Variants in PPA1 observed in about 807,000 individuals in gnomAD.
PPA1 encodes the protein inorganic pyrophosphatase.
PPA1 carries 23 observed loss-of-function variants against 41.8 expected under a neutral mutation model. That is an observed-to-expected ratio of 0.55 (90% CI 0.40 to 0.78). The LOEUF is 0.78. Among genes scored for constraint, PPA1 ranks in the 30% least tolerant of loss-of-function variants. The probability of loss-of-function intolerance (pLI) is 0.00; values close to 1 mark genes in which losing one functional copy is unlikely to be tolerated. For missense variants in PPA1, 320 were observed against 361.6 expected, an observed-to-expected ratio of 0.89 and a Z score of 0.93; for synonymous variants, 101 against 116.8, an observed-to-expected ratio of 0.86 and a Z score of 0.87.
intron 1 of PPA1, among the ~76,000 whole-genome samples, chr10:70,231,306 C>T (rs1272157381): frequency 1.3e-5 from 2 of 152,184 alleles, no homozygotes; most frequent in Non-Finnish European, 2.9e-5. Context: ...GTGGCTCACG[C>T]CTGTAATCCC....
At chr10:70,227,049 G>C (rs563002886) in intron 2 of PPA1, among the ~76,000 whole-genome samples, 1 of 152,198 alleles carries the variant, frequency 6.6e-6, no homozygotes, top group South Asian at 2.1e-4. Context: ...TTAAGATTTA[G>C]AGAAAGCTTT....
chr10:70,226,492 G>C (rs1266863081), intron 2 of PPA1, among the ~76,000 whole-genome samples: 2 of 151,846 alleles, frequency 1.3e-5, no homozygotes, highest in Non-Finnish European at 1.5e-5. Context: ...CCAGGAGATG[G>C]AGCCTGCAGT....
In PPA1 at chr10:70,205,955, G is replaced by A. The variant is rs950840539; in HGVS notation, c.795+309C>T. On this transcript the variant is annotated intron_variant, in intron 9 of 10. Coordinates refer to ENST00000373232, the MANE Select transcript of PPA1 (RefSeq NM_021129.4). Reference sequence around the variant, plus strand: ...AGTAAATTCCCATTGATTCTTTTGCGGAAATGGCTTATGATGGGTCATAGG... The same window carrying A: ...AGTAAATTCCCATTGATTCTTTTGCAGAAATGGCTTATGATGGGTCATAGG... The A allele has an allele frequency of 3.6e-5, 9 of 247,668 alleles. No individual in the cohort carries two copies. The East Asian group carries it at 4.3e-4, about 12-fold the overall frequency. The allele number at this position is 247,668 out of a possible 1,614,324, so 15.3% of individuals were successfully genotyped here.
At chr10:70,221,675 C>T (rs948112057) in intron 2 of PPA1, among the ~76,000 whole-genome samples, 4 of 152,132 alleles carry the variant, frequency 2.6e-5, no homozygotes, top group South Asian at 2.1e-4. Context: ...TCAGGGCTTT[C>T]GGTTTCCAGC....
At position 70,230,234 on chromosome 10, in the gene PPA1, CACA is replaced by C. The variant is rs538845866; in HGVS notation, c.123+104_123+106del. 1.2e-4 allele frequency: 155 copies of C among 1,309,356 alleles called. No individual in the cohort carries two copies. The African/African-American group carries it at 1.9e-3, about 16-fold the overall frequency. 81.1% of individuals were successfully genotyped at this position (1,309,356 alleles called of 1,614,324 possible). A position where few individuals can be genotyped will look rare whatever the true frequency, so the allele number is the denominator to read the frequency against. On this transcript the variant is annotated intron_variant, in intron 2 of 10. Transcript: ENST00000373232. ...TAATCAACAGACCTTTAGCTCACAG[CACA>C]ACGAGGCATTTTAAGCACTTGTTGA...
intron 2 of PPA1, among the ~76,000 whole-genome samples, chr10:70,227,592 A>T (rs1345560273): frequency 6.8e-6 from 1 of 146,800 alleles, no homozygotes; most frequent in Non-Finnish European, 1.5e-5. Context: ...TTGAAGCTGC[A>T]GTAAGCCAAG....
chr10:70,210,264 A>G (rs911467490), intron 6 of PPA1: 6 of 654,380 alleles, frequency 9.2e-6, no homozygotes, highest in Admixed American at 2.6e-5. Flanking sequence ...TTTTGTAGAA[A>G]TGGGGTCTCG....
rs1564587697 is a variant in PPA1 at position 70,233,275 on chromosome 10, C to G, written c.53G>C (p.Arg18Pro). 4 of 1,542,140 alleles carry G rather than the reference C, an allele frequency of 2.6e-6. No homozygotes were observed. Among genetic ancestry groups the G allele is most frequent in the Non-Finnish European group, 3.5e-6 (4 of 1,144,154 alleles). ...ERAAPFSLEY[R>P]VFLKNEKGQY... is the part of the protein sequence containing the mutation. ...CCGCAGACACTCACTGAGGAAGACTCGGTACTCCAGGGAGAAGGGCGCGGC... is the reference window on the plus strand; with the variant it reads ...CCGCAGACACTCACTGAGGAAGACTGGGTACTCCAGGGAGAAGGGCGCGGC... Residue 18 changes from arginine (R) to proline (P), a missense_variant, in exon 1 of 11, where the codon CGA (arginine) becomes CCA (proline). By Grantham distance (103) the Arg-to-Pro change is moderately radical. Transcript: ENST00000373232.
intron 9 of PPA1, 140 bp downstream of exon 9, chr10:70,206,124 T>C: frequency 1.5e-6 from 1 of 656,518 alleles, no homozygotes; most frequent in Non-Finnish European, 2.7e-6. Context: ...GTTCATGGTT[T>C]CTAATTTCAA....
chr10:70,223,217 A>AAGAGAGAGAGAGAG (rs10686040), intron 2 of PPA1, among the ~76,000 whole-genome samples: 11,590 of 148,686 alleles, frequency 0.078, 579 homozygotes, highest in East Asian at 0.12. Context: ...CATTTTTTTA[A>AAGAGAGAGAGAGAG]AGAGAGAGAG....
chr10:70,205,547 T>G (rs1047333491), intron 9 of PPA1: 10 of 152,166 alleles, frequency 6.6e-5, no homozygotes, highest in Admixed American at 2.6e-4. Context: ...AGTTAACCAC[T>G]GGCTTTTCCC....
intron 6 of PPA1, among the ~76,000 whole-genome samples, chr10:70,212,901 G>A (rs928434323): frequency 6.6e-6 from 1 of 150,776 alleles, no homozygotes; most frequent in African/African-American, 2.4e-5. Context: ...ACTTCGCTAA[G>A]TGAAATAAAC....
chr10:70,204,842 T>C, intron 10 of PPA1, 31 bp downstream of exon 10: 1 of 1,540,506 alleles, frequency 6.5e-7, no homozygotes, highest in Non-Finnish European at 8.9e-7. Context: ...GTGTAATGTT[T>C]AATGAAATTT....
Position 70,233,317 on chromosome 10 carries a change from A to T in PPA1, c.11T>A (p.Phe4Tyr). The change falls in exon 1 of 11, where the codon TTC (phenylalanine) becomes TAC (tyrosine). Residue 4 changes from phenylalanine (F) to tyrosine (Y), a missense_variant. Transcript: ENST00000373232. ...GGGCGCGGCGCGCTCCTCGGTGCTG[A>T]AGCCGCTCATAGTGCCGGAGTCCTG... is the stretch of plus-strand genomic sequence containing the variant. MSG[F>Y]STEERAAPFS... 1 of 1,540,116 alleles carries T rather than the reference A, an allele frequency of 6.5e-7. No homozygotes were observed. The highest frequency in any genetic ancestry group is 8.7e-7 in the Non-Finnish European group (1 of 1,143,910).
chr10:70,221,012 A>G (rs1273718829), intron 2 of PPA1, among the ~76,000 whole-genome samples: 2 of 71,788 alleles, frequency 2.8e-5, no homozygotes, highest in African/African-American at 6.7e-5. Flanking sequence ...TAACATATAT[A>G]TAATTTATAT....
intron 8 of PPA1, among the ~76,000 whole-genome samples, chr10:70,208,845 T>C (rs1839980885): frequency 6.7e-6 from 1 of 149,358 alleles, no homozygotes. Context: ...CAGGCTGGAG[T>C]ACAGTGGTAC....
intron 8 of PPA1, among the ~76,000 whole-genome samples, chr10:70,206,891 G>GGAGGC (rs1839950064): frequency 9.0e-6 from 1 of 110,714 alleles, no homozygotes; most frequent in Non-Finnish European, 1.8e-5. Flanking sequence ...GGAGGGGAGG[G>GGAGGC]GAGGGGAGGA....
At chr10:70,204,130 T>C (rs931507515) in intron 10 of PPA1, 2 of 152,292 alleles carry the variant, frequency 1.3e-5, no homozygotes, top group Non-Finnish European at 2.9e-5. Flanking sequence ...CCAGCCTGGG[T>C]GACATGGCGA....
chr10:70,204,832 G>A (rs768080280), intron 10 of PPA1, 41 bp downstream of exon 10: 1 of 1,484,552 alleles, frequency 6.7e-7, no homozygotes, highest in Non-Finnish European at 9.2e-7. Flanking sequence ...TTCCATAACT[G>A]TGTAATGTTT....
Sources: allele counts gnomAD v4.1 joint callset (sites outside exome capture counted in the v4.1 genomes callset), GRCh38; gene constraint gnomAD v4.1.1; transcripts MANE v1.5; gene names NCBI Gene and HGNC (gene_info 2026-07-23, HGNC 2026-07-21).